The following GABRG3 variants were observed in gnomAD, a reference collection of about 807,000 sequenced individuals.
GABRG3 encodes the protein gamma-aminobutyric acid receptor subunit gamma-3.
Under a neutral mutation model 48.8 loss-of-function variants are expected in GABRG3, and 25 were observed. The ratio of observed to expected loss-of-function variants is 0.51; its 90% CI spans 0.37 to 0.72. GABRG3 has a LOEUF of 0.72. Ranked by LOEUF, GABRG3 falls within the 30% of genes least tolerant of loss-of-function variation. GABRG3 has a pLI of 0.00. For synonymous variants in GABRG3, 227 were observed against 217.6 expected, an observed-to-expected ratio of 1.04 and a Z score of -0.38; for missense variants, 394 against 577.9, an observed-to-expected ratio of 0.68 and a Z score of 3.26.
intron 3 of GABRG3, among the ~76,000 whole-genome samples, chr15:27,251,554 G>C (rs914297007): frequency 2.0e-5 from 3 of 152,096 alleles, no homozygotes; most frequent in African/African-American, 7.2e-5. Context: ...GTACCATTTT[G>C]ACTTGAAATC....
At chr15:27,217,751 T>C (rs1889310644) in intron 3 of GABRG3, among the ~76,000 whole-genome samples, 1 of 152,182 alleles carries the variant, frequency 6.6e-6, no homozygotes, top group South Asian at 2.1e-4. Context: ...ACTCTCAACA[T>C]AGGCACACAT....
intron 3 of GABRG3, among the ~76,000 whole-genome samples, chr15:27,269,034 T>C (rs1372035262): frequency 6.6e-6 from 1 of 152,200 alleles, no homozygotes; most frequent in Non-Finnish European, 1.5e-5. Context: ...TTGTAGTTAT[T>C]TCAGGCAGGA....
intron 3 of GABRG3, among the ~76,000 whole-genome samples, chr15:27,322,866 G>T (rs747639269): frequency 1.3e-4 from 20 of 152,150 alleles, no homozygotes; most frequent in South Asian, 8.3e-4. Flanking sequence ...CTGGATGAAG[G>T]TTACTCAATG....
At chr15:26,980,795 G>T (rs1390526460) in intron 2 of GABRG3, among the ~76,000 whole-genome samples, 1 of 151,358 alleles carries the variant, frequency 6.6e-6, no homozygotes, top group Admixed American at 6.6e-5. Flanking sequence ...ATGAATTTTG[G>T]TATGTTGTAT....
intron 5 of GABRG3, among the ~76,000 whole-genome samples, chr15:27,446,576 T>G (rs1182511249): frequency 6.6e-6 from 1 of 152,220 alleles, no homozygotes; most frequent in African/African-American, 2.4e-5. Flanking sequence ...ATTTTGTAGT[T>G]TTCAGAGTAT....
At position 27,299,227 on chromosome 15, in the gene GABRG3, T is replaced by C. The variant is rs776727619; in HGVS notation, c.271-27582T>C. On this transcript the variant is annotated intron_variant, in intron 3 of 9. Transcript: ENST00000615808. Reference sequence around the variant, plus strand: ...TGAACCTAGGAGGCAATGGTTGCAGTGAGTCAAGATTGCACCACTGCATTC... The same window carrying C: ...TGAACCTAGGAGGCAATGGTTGCAGCGAGTCAAGATTGCACCACTGCATTC... Among the ~76,000 whole-genome samples the C allele has an allele frequency of 3.3e-5, 5 of 152,190 alleles. No homozygotes were observed. The South Asian group carries it at 1.0e-3, about 32-fold the overall frequency.
At chr15:27,520,495 AGTATTG>A (rs750938754) in intron 7 of GABRG3, among the ~76,000 whole-genome samples, 70 of 151,414 alleles carry the variant, frequency 4.6e-4, no homozygotes, top group Non-Finnish European at 7.9e-4. Context: ...CTGAAGACAT[AGTATTG>A]GTAAAAAATA....
chr15:27,331,188 C>T (rs780390295), intron 5 of GABRG3, among the ~76,000 whole-genome samples: 9 of 152,130 alleles, frequency 5.9e-5, no homozygotes, highest in South Asian at 2.1e-4. Flanking sequence ...TGGGTCGTCT[C>T]TTACAGAAGT....
At chr15:27,442,578 A>G (rs967609628) in intron 5 of GABRG3, among the ~76,000 whole-genome samples, 1 of 152,194 alleles carries the variant, frequency 6.6e-6, no homozygotes, top group Non-Finnish European at 1.5e-5. Context: ...GAACAAAACC[A>G]GGCACCCTGG....
At chr15:27,473,930 T>G (rs546981569) in intron 5 of GABRG3, among the ~76,000 whole-genome samples, 1 of 152,320 alleles carries the variant, frequency 6.6e-6, no homozygotes, top group East Asian at 1.9e-4. Context: ...GTCTTAAAGT[T>G]TTCTTAATAT....
chr15:27,248,201 T>C lies in GABRG3; in HGVS notation c.271-78608T>C, dbSNP rs139858777. On this transcript the variant is annotated intron_variant, in intron 3 of 9. Transcript: ENST00000615808. ...TGGCCTGTCTTGCCTGCAGTTTCTT[T>C]CACACGTGGAAGTGCTGCTCTAGAT... is the stretch of plus-strand genomic sequence containing the variant. Among the ~76,000 whole-genome samples, 457 of 152,372 alleles carry C rather than the reference T, an allele frequency of 3.0e-3. 4 individuals are homozygous for C. Among genetic ancestry groups the C allele is most frequent in the African/African-American group, 0.01 (417 of 41,586 alleles).
At chr15:27,090,768 C>T (rs1897171308) in intron 3 of GABRG3, among the ~76,000 whole-genome samples, 1 of 151,906 alleles carries the variant, frequency 6.6e-6, no homozygotes, top group Admixed American at 6.6e-5. Context: ...AATAGTTTTC[C>T]TACTTTTGCT....
chr15:27,023,048 C>T (rs1054653891), intron 2 of GABRG3, among the ~76,000 whole-genome samples: 2 of 152,202 alleles, frequency 1.3e-5, no homozygotes, highest in African/African-American at 4.8e-5. Flanking sequence ...TGATTCTTCT[C>T]AGACATACTA....
At chr15:27,429,737 A>C (rs528958385) in intron 5 of GABRG3, among the ~76,000 whole-genome samples, 1 of 152,172 alleles carries the variant, frequency 6.6e-6, no homozygotes, top group Non-Finnish European at 1.5e-5. Flanking sequence ...CATAGCTTAT[A>C]TTAGTACCGC....
Position 27,019,748 on chromosome 15 carries a change from A to C in GABRG3, c.203-7006A>C, listed in dbSNP as rs1895853564. ...GCCCCCGTTCCCCACCCTTGTCCCC[A>C]AAAGCAGGAAAGATGGAAGGGAGGT... On this transcript the variant is annotated intron_variant, in intron 2 of 9. Coordinates refer to ENST00000615808, the MANE Select transcript of GABRG3 (RefSeq NM_033223.5). 2.0e-5 allele frequency among the ~76,000 whole-genome samples: 3 copies of C among 152,132 alleles called. No homozygotes were observed. In the South Asian group the frequency reaches 6.2e-4, roughly 32 times the overall value.
rs1320452911 is a variant in GABRG3, at chr15:27,080,284, T to TAATAAATA, written c.270+53468_270+53469insATAAATAA. 4.4e-5 allele frequency among the ~76,000 whole-genome samples: 6 copies of TAATAAATA among 136,268 alleles called. No individual in the cohort carries two copies. In the East Asian group the frequency reaches 1.3e-3, roughly 30 times the overall value. The allele number at this position is 136,268 out of a possible 152,430, so 89.4% of individuals were successfully genotyped here. ...GAACAACATAGCGAGAACCTCTCTC[T>TAATAAATA]AATAAGTAAATAAATAAATAAATAA... On this transcript the variant is annotated intron_variant, in intron 3 of 9. Transcript: ENST00000615808.
chr15:27,240,171 G>C (rs922169724), intron 3 of GABRG3, among the ~76,000 whole-genome samples: 3 of 152,128 alleles, frequency 2.0e-5, no homozygotes, highest in African/African-American at 7.2e-5. Flanking sequence ...TCTTTCTGAG[G>C]CCCCCTCAAT....
intron 3 of GABRG3, among the ~76,000 whole-genome samples, chr15:27,134,680 G>T (rs1003700362): frequency 6.6e-6 from 1 of 152,144 alleles, no homozygotes; most frequent in Non-Finnish European, 1.5e-5. Context: ...GGTTTTGAAG[G>T]TGTCGCTAAA....
chr15:27,407,560 G>T (rs1045664962), intron 5 of GABRG3, among the ~76,000 whole-genome samples: 14 of 152,144 alleles, frequency 9.2e-5, no homozygotes, highest in African/African-American at 3.4e-4. Flanking sequence ...AAACAACCAA[G>T]ATGTTTTTCA....
Sources: gnomAD v4.1 joint callset for allele counts (sites outside exome capture counted in the v4.1 genomes callset) on GRCh38, gnomAD v4.1.1 for gene constraint, MANE v1.5 for transcripts, NCBI Gene and HGNC (gene_info 2026-07-23, HGNC 2026-07-21) for gene names.